The following SLC35A3 variants were observed in gnomAD, a reference collection of about 807,000 sequenced individuals.
The protein encoded by SLC35A3 is UDP-N-acetylglucosamine transporter.
In SLC35A3, 26 loss-of-function variants were observed where a neutral mutation model predicts 39.0. The observed-to-expected ratio is 0.67, with a 90% CI of 0.49 to 0.92. SLC35A3 has a LOEUF of 0.92. Among genes scored for constraint, SLC35A3 ranks in the 40% least tolerant of loss-of-function variants. The pLI is 0.00. For synonymous variants in SLC35A3, 135 were observed against 133.1 expected, an observed-to-expected ratio of 1.01 and a Z score of -0.10; for missense variants, 299 against 371.6, an observed-to-expected ratio of 0.80 and a Z score of 1.61.
At chr1:99,983,649 G>A (rs1657586282) in intron 1 of SLC35A3, among the ~76,000 whole-genome samples, 1 of 150,736 alleles carries the variant, frequency 6.6e-6, no homozygotes, top group Non-Finnish European at 1.5e-5. Context: ...TTTTCGAGAT[G>A]GAGTCTTGCT....
chr1:99,993,728 C>G lies in SLC35A3; in HGVS notation c.174C>G (p.Val58=), dbSNP rs1403560766. 1.9e-6 allele frequency: 3 copies of G among 1,613,592 alleles called. No individual in the cohort carries two copies. The highest frequency in any genetic ancestry group is 2.5e-6 in the Non-Finnish European group (3 of 1,179,808). The stretch of plus-strand genomic sequence containing the variant: ...AGATAATGGCCTGCATTTTATTGGT[C>G]TACAAAGACAGCAGTAGGTATCTAG... The part of the protein sequence containing the change: ...LLKIMACILL[V]YKDSKCSLRA... Residue 58 remains valine, a synonymous_variant, in exon 2 of 8, where the codon GTC becomes GTG. Coordinates refer to ENST00000533028, the MANE Select transcript of SLC35A3 (RefSeq NM_012243.3).
chr1:100,015,019 G>A (rs1416851930), intron 5 of SLC35A3, among the ~76,000 whole-genome samples: 5 of 151,962 alleles, frequency 3.3e-5, no homozygotes, highest in Admixed American at 6.6e-5. Context: ...TTAGCTGGGC[G>A]TGGTGGCACG....
intron 1 of SLC35A3, among the ~76,000 whole-genome samples, chr1:99,987,723 T>C (rs1245346946): frequency 2.0e-5 from 3 of 152,162 alleles, no homozygotes; most frequent in Admixed American, 2.0e-4. Flanking sequence ...ACCTAAACCA[T>C]GGTAGCTTGG....
At chr1:99,986,991 C>A (rs1657781343) in intron 1 of SLC35A3, among the ~76,000 whole-genome samples, 1 of 152,222 alleles carries the variant, frequency 6.6e-6, no homozygotes, top group Admixed American at 6.5e-5. Context: ...GATATGAAAT[C>A]ATTGTTTGAC....
At chr1:99,998,875 A>G (rs983672560) in intron 2 of SLC35A3, among the ~76,000 whole-genome samples, 3 of 152,200 alleles carry the variant, frequency 2.0e-5, no homozygotes, top group Non-Finnish European at 4.4e-5. Context: ...ATTGGCATGA[A>G]TGGCTGATGA....
intron 1 of SLC35A3, among the ~76,000 whole-genome samples, chr1:99,984,401 G>A (rs1386217713): frequency 6.6e-6 from 1 of 152,108 alleles, no homozygotes; most frequent in African/African-American, 2.4e-5. Flanking sequence ...ATTCCATCTG[G>A]GTTGCTGTGA....
At chr1:100,017,574 T>C (rs1413301961) in intron 6 of SLC35A3, 108 bp from the exon 7 acceptor site, 1 of 650,834 alleles carries the variant, frequency 1.5e-6, no homozygotes, top group African/African-American at 1.9e-5. Context: ...CTTACTATAA[T>C]GGGATTGAAT....
intron 7 of SLC35A3, among the ~76,000 whole-genome samples, chr1:100,019,699 C>T (rs939132462): frequency 2.6e-5 from 4 of 151,988 alleles, no homozygotes; most frequent in African/African-American, 9.7e-5. Context: ...TTCTGATTGT[C>T]CCTTTGGTAG....
chr1:99,980,039 G>GTC (rs1225674261), intron 1 of SLC35A3, among the ~76,000 whole-genome samples: 58 of 149,612 alleles, frequency 3.9e-4, no homozygotes, highest in South Asian at 1.3e-3. Context: ...GCAAGACTCT[G>GTC]TCTCTCTCTC....
intron 1 of SLC35A3, among the ~76,000 whole-genome samples, chr1:99,975,412 G>A (rs1657055468): frequency 6.6e-6 from 1 of 152,174 alleles, no homozygotes; most frequent in African/African-American, 2.4e-5. Context: ...AGAAGGAAAT[G>A]TATATCATTT....
At chr1:99,992,550 T>C (rs980077266) in intron 1 of SLC35A3, among the ~76,000 whole-genome samples, 6 of 152,184 alleles carry the variant, frequency 3.9e-5, no homozygotes, top group Non-Finnish European at 8.8e-5. Flanking sequence ...GGGTGAAGGG[T>C]ACATATGAAC....
rs1188870151 is a variant in SLC35A3, at chr1:100,035,018, CCTAA to C, written c.*12545_*12548del. 5 of 152,204 alleles carry C rather than the reference CCTAA, an allele frequency of 3.3e-5. No homozygotes were observed. Among genetic ancestry groups the C allele is most frequent in the Admixed American group, 6.5e-5 (1 of 15,288 alleles). 9.4% of individuals were successfully genotyped at this position (152,204 alleles called of 1,614,324 possible). A position where few individuals can be genotyped will look rare whatever the true frequency, so the allele number is the denominator to read the frequency against. On this transcript the variant is annotated 3_prime_UTR_variant, in exon 8 of 8. Coordinates refer to ENST00000533028, the MANE Select transcript of SLC35A3 (RefSeq NM_012243.3). ...TTTCTGTTGATCCTAACCAAAAAAC[CCTAA>C]CTGAGATATCAGTCTCTTAGCGCAA... is the stretch of plus-strand genomic sequence containing the variant.
chr1:99,997,692 T>A (rs1658505748), intron 2 of SLC35A3, among the ~76,000 whole-genome samples: 1 of 150,594 alleles, frequency 6.6e-6, no homozygotes, highest in African/African-American at 2.5e-5. Context: ...TTTCTAAGTA[T>A]ACCTCTCTTG....
At chr1:100,008,610 C>G (rs1659403612) in intron 4 of SLC35A3, 2 of 152,208 alleles carry the variant, frequency 1.3e-5, no homozygotes. Flanking sequence ...CTATTTTGCA[C>G]AGCTGAGCAT....
chr1:100,004,721 AT>A lies in SLC35A3; in HGVS notation c.343-2305del, dbSNP rs758416584. Among the ~76,000 whole-genome samples the A allele has an allele frequency of 7.8e-3, 1,181 of 151,382 alleles. 8 individuals carry two copies. Among genetic ancestry groups the A allele is most frequent in the Middle Eastern group, 0.014 (4 of 294 alleles). On this transcript the variant is annotated intron_variant, in intron 3 of 7. Coordinates refer to ENST00000533028, the MANE Select transcript of SLC35A3 (RefSeq NM_012243.3). ...TTTTAATTTAAAAAAAATTATTTCTATTTTTTTTATTTTTTATTTTCTAAAA... is the reference window on the plus strand; with the variant it reads ...TTTTAATTTAAAAAAAATTATTTCTATTTTTTTATTTTTTATTTTCTAAAA...
intron 1 of SLC35A3, among the ~76,000 whole-genome samples, chr1:99,977,355 T>TA (rs1657167675): frequency 1.1e-5 from 1 of 93,888 alleles, no homozygotes; most frequent in African/African-American, 5.4e-5. Context: ...CCGTCTCTAT[T>TA]AAAAATACCA....
rs1221900423 is a variant in SLC35A3, at chr1:100,023,349, T to C, written c.*873T>C. 6.6e-6 allele frequency: 1 copy of C among 152,206 alleles called. No homozygotes were observed. Among genetic ancestry groups the C allele is most frequent in the African/African-American group, 2.4e-5 (1 of 41,474 alleles). The allele number at this position is 152,206 out of a possible 1,614,324, so 9.4% of individuals were successfully genotyped here. A position where few individuals can be genotyped will look rare whatever the true frequency, so the allele number is the denominator to read the frequency against. ...TTAAAAGGATTAAATACTCATTTAA[T>C]AATTTAAAATAATTATTGTATAATA... On this transcript the variant is annotated 3_prime_UTR_variant, in exon 8 of 8. Coordinates refer to ENST00000533028, the MANE Select transcript of SLC35A3 (RefSeq NM_012243.3).
At chr1:99,985,732 A>G (rs911983474) in intron 1 of SLC35A3, among the ~76,000 whole-genome samples, 15 of 152,282 alleles carry the variant, frequency 9.9e-5, no homozygotes, top group South Asian at 4.1e-4. Flanking sequence ...TGTGTCATCT[A>G]TGATTTCTTT....
Position 100,030,667 on chromosome 1 carries a change from C to G in SLC35A3, c.*8191C>G, listed in dbSNP as rs191479051. The stretch of plus-strand genomic sequence containing the variant: ...GACTTGTGTGATTTAGACACAAAAT[C>G]TGTGTGTGTGTGTGTTTGGTCTTTT... On this transcript the variant is annotated 3_prime_UTR_variant, in exon 8 of 8. Transcript: ENST00000533028. The G allele has an allele frequency of 3.3e-5, 5 of 151,708 alleles. No homozygotes were observed. Among genetic ancestry groups the G allele is most frequent in the Admixed American group, 2.0e-4 (3 of 15,234 alleles). The allele number at this position is 151,708 out of a possible 1,614,324, so 9.4% of individuals were successfully genotyped here.
Sources: gnomAD v4.1 joint callset for allele counts (sites outside exome capture counted in the v4.1 genomes callset) on GRCh38, gnomAD v4.1.1 for gene constraint, MANE v1.5 for transcripts, NCBI Gene and HGNC (gene_info 2026-07-23, HGNC 2026-07-21) for gene names.